The following SLC35B3 variants were observed in gnomAD, a reference collection of about 807,000 sequenced individuals.
The protein encoded by SLC35B3 is adenosine 3'-phospho 5'-phosphosulfate transporter 2.
A neutral mutation model predicts 44.1 loss-of-function variants in SLC35B3; 35 were observed. The ratio of observed to expected loss-of-function variants is 0.79; its 90% CI spans 0.61 to 1.05. The LOEUF is 1.05. Among genes scored for constraint, SLC35B3 ranks in the 50% least tolerant of loss-of-function variants. The pLI, the probability that SLC35B3 is intolerant of heterozygous loss-of-function variation, is 0.00. For synonymous variants in SLC35B3, 146 were observed against 167.3 expected, an observed-to-expected ratio of 0.87 and a Z score of 0.98; for missense variants, 414 against 476.4, an observed-to-expected ratio of 0.87 and a Z score of 1.22.
chr6:8,417,800 A>AATACT (rs1554117524), intron 7 of SLC35B3, among the ~76,000 whole-genome samples: 3 of 151,680 alleles, frequency 2.0e-5, no homozygotes, highest in Admixed American at 6.6e-5. Flanking sequence ...TCTAAAAAAA[A>AATACT]TAAATGAAAC....
intron 4 of SLC35B3, among the ~76,000 whole-genome samples, chr6:8,423,438 T>A (rs940861236): frequency 6.6e-6 from 1 of 152,222 alleles, no homozygotes; most frequent in African/African-American, 2.4e-5. Context: ...TCAAGTCTTT[T>A]AACTTTGGCT....
chr6:8,430,014 T>C lies in SLC35B3; in HGVS notation c.147A>G (p.Pro49=), dbSNP rs1445043425. ...GTGGTGACATTGTTTGGGTTTTGGATGGCACAGTGATAGAAATATATTTCC... is the reference window on the plus strand; with the variant it reads ...GTGGTGACATTGTTTGGGTTTTGGACGGCACAGTGATAGAAATATATTTCC... Residue 49 remains proline (P), a synonymous_variant, in exon 3 of 11, where the codon CCA becomes CCG. Coordinates refer to ENST00000644923, the MANE Select transcript of SLC35B3 (RefSeq NM_001370476.2). 1.2e-6 allele frequency: 2 copies of C among 1,614,084 alleles called. No individual in the cohort carries two copies.
In SLC35B3 at chr6:8,429,997, ATT is replaced by A; in HGVS notation, c.162_163del (p.Met55ValfsTer8). 1 of 1,613,974 alleles carries A rather than the reference ATT, an allele frequency of 6.2e-7. No homozygotes were observed. The highest frequency in any genetic ancestry group is 1.7e-5 in the Admixed American group (1 of 59,982). ...GTCAACTGACTTGATGTGTGGTGACATTGTTTGGGTTTTGGATGGCACAGTGA... is the reference window on the plus strand; with the variant it reads ...GTCAACTGACTTGATGTGTGGTGACAGTTTGGGTTTTGGATGGCACAGTGA... On this transcript the variant is annotated frameshift_variant, in exon 3 of 11. Transcript: ENST00000644923. LOFTEE classifies it high-confidence loss of function.
intron 4 of SLC35B3, among the ~76,000 whole-genome samples, chr6:8,425,752 T>C (rs1257905918): frequency 1.3e-5 from 2 of 152,196 alleles, no homozygotes. Context: ...TATGTCAGTA[T>C]TACAGTCGTT....
In SLC35B3 at chr6:8,422,491, G is replaced by A. The variant is rs138267484; in HGVS notation, c.553C>T (p.Leu185=). ...ATACCTTGAATAAAAACTCCTCCTA[G>A]CATAACAGGAATCAATTTGCAGCAC... The change falls in exon 5 of 11, where the codon CTA becomes TTA. Residue 185 remains leucine, a synonymous_variant. Coordinates refer to ENST00000644923, the MANE Select transcript of SLC35B3 (RefSeq NM_001370476.2). 1.4e-3 allele frequency: 2,291 copies of A among 1,613,020 alleles called. 1 individual carries two copies. Among genetic ancestry groups the A allele is most frequent in the Non-Finnish European group, 1.7e-3 (2,049 of 1,179,308 alleles).
chr6:8,419,503 T>TA lies in SLC35B3; in HGVS notation c.780+76dup. The TA allele has an allele frequency of 1.4e-6, 1 of 706,782 alleles. No homozygotes were observed. The highest frequency in any genetic ancestry group is 2.3e-6 in the Non-Finnish European group (1 of 435,356). 43.8% of individuals were successfully genotyped at this position (706,782 alleles called of 1,614,324 possible). On this transcript the variant is annotated intron_variant, in intron 7 of 10. Coordinates refer to ENST00000644923, the MANE Select transcript of SLC35B3 (RefSeq NM_001370476.2). This position sits in a 1 kb window ranked among gnomAD's most constrained non-coding sequence, Gnocchi z 4.3. ...TTTAAAAATGCAATGCTAGTTATAA[T>TA]AATTATTTCATCAAATTACGTGTAT...
At chr6:8,426,637 C>T (rs976908994) in intron 4 of SLC35B3, among the ~76,000 whole-genome samples, 43 of 152,270 alleles carry the variant, frequency 2.8e-4, no homozygotes, top group African/African-American at 9.4e-4. Context: ...AATTAAACTT[C>T]TTTTTCTTCC....
chr6:8,416,973 T>A lies in SLC35B3; in HGVS notation c.896A>T (p.Tyr299Phe), dbSNP rs370759766. ...TCCAGTGAGGGAAAAAAGGAACGCA[T>A]AACCATAGGTCCGAACTGGATTCTG... Residue 299 changes from tyrosine (Y) to phenylalanine (F), a missense_variant, in exon 9 of 11, where the codon TAT becomes TTT. Coordinates refer to ENST00000644923, the MANE Select transcript of SLC35B3 (RefSeq NM_001370476.2). The A allele has an allele frequency of 1.3e-5, 21 of 1,602,180 alleles. No homozygotes were observed. The highest frequency in any genetic ancestry group is 2.7e-5 in the African/African-American group (2 of 74,302).
chr6:8,434,278 A>G lies in SLC35B3; in HGVS notation c.3+107T>C. The G allele has an allele frequency of 9.3e-7, 1 of 1,081,016 alleles. No homozygotes were observed. The highest frequency in any genetic ancestry group is 1.4e-5 in the South Asian group (1 of 72,000). 67.0% of individuals were successfully genotyped at this position (1,081,016 alleles called of 1,614,324 possible). On this transcript the variant is annotated intron_variant, in intron 2 of 10. Transcript: ENST00000644923. The surrounding 1 kb of genome is among the most constrained non-coding windows in gnomAD (Gnocchi z 6.3). The stretch of plus-strand genomic sequence containing the variant: ...CTGAAGGACAAAAGTCCCACACCAA[A>G]AAAAGGTAGAATATGAAAAAAAAGT...
intron 3 of SLC35B3, among the ~76,000 whole-genome samples, chr6:8,429,460 A>G (rs1015505208): frequency 3.9e-5 from 6 of 152,192 alleles, no homozygotes; most frequent in Non-Finnish European, 8.8e-5. Context: ...ACCTTTAGAA[A>G]ACCATAAAAT....
In SLC35B3 at chr6:8,413,718, GA is replaced by G. The variant is rs1305110196; in HGVS notation, c.1056-20del. 1.8e-5 allele frequency: 26 copies of G among 1,416,380 alleles called. No individual in the cohort carries two copies. The highest frequency in any genetic ancestry group is 9.8e-5 in the East Asian group (4 of 40,748). The allele number at this position is 1,416,380 out of a possible 1,614,324, so 87.7% of individuals were successfully genotyped here. ...TACATACCTAAGAGAAAGAAATAAG[GA>G]AAAAAAATTAAAATTAGCAAAATAA... On this transcript the variant is annotated intron_variant, in intron 10 of 10. Transcript: ENST00000644923.
chr6:8,419,660 GGGAAA>G lies in SLC35B3; in HGVS notation c.695_699del (p.Ile232ThrfsTer21), dbSNP rs1762718881. 2.6e-6 allele frequency: 4 copies of G among 1,533,990 alleles called. No homozygotes were observed. The highest frequency in any genetic ancestry group is 3.5e-6 in the Non-Finnish European group (4 of 1,132,074). On this transcript the variant is annotated frameshift_variant, in exon 7 of 11. Coordinates refer to ENST00000644923, the MANE Select transcript of SLC35B3 (RefSeq NM_001370476.2). LOFTEE classifies it high-confidence loss of function. The surrounding 1 kb of genome is among the most constrained non-coding windows in gnomAD (Gnocchi z 4.3). ...ATGACGGCATCTGCACATAGTGCCA[GGGAAA>G]TAAGCACCACACCTTCAAGAAGGTA...
chr6:8,413,986 C>T (rs1294537998), intron 10 of SLC35B3, among the ~76,000 whole-genome samples: 1 of 152,008 alleles, frequency 6.6e-6, no homozygotes, highest in Admixed American at 6.6e-5. Flanking sequence ...AAAGTACAGT[C>T]CCCTACCAAA....
chr6:8,428,292 A>G (rs186115752), intron 3 of SLC35B3, among the ~76,000 whole-genome samples: 2 of 152,174 alleles, frequency 1.3e-5, no homozygotes, highest in Non-Finnish European at 2.9e-5. Flanking sequence ...ATTTGCCTAA[A>G]CATGTTATAT....
Position 8,434,138 on chromosome 6 carries a change from AAGGT to A in SLC35B3, c.3+243_3+246del, listed in dbSNP as rs1371739423. Among the ~76,000 whole-genome samples, 10 of 151,968 alleles carry A rather than the reference AAGGT, an allele frequency of 6.6e-5. No individual in the cohort carries two copies. Among genetic ancestry groups the A allele is most frequent in the Non-Finnish European group, 1.5e-4 (10 of 67,994 alleles). On this transcript the variant is annotated intron_variant, in intron 2 of 10. Coordinates refer to ENST00000644923, the MANE Select transcript of SLC35B3 (RefSeq NM_001370476.2). This position sits in a 1 kb window ranked among gnomAD's most constrained non-coding sequence, Gnocchi z 6.3. ...ACTTCAACTGCTAAAATGGAATAAA[AAGGT>A]AGCATTTCCGGCATACAATGTATAT...
At position 8,419,495 on chromosome 6, in the gene SLC35B3, AGTT is replaced by A; in HGVS notation, c.780+82_780+84del. 1.5e-6 allele frequency: 1 copy of A among 645,230 alleles called. No individual in the cohort carries two copies. The allele number at this position is 645,230 out of a possible 1,614,324, so 40.0% of individuals were successfully genotyped here. A position where few individuals can be genotyped will look rare whatever the true frequency, so the allele number is the denominator to read the frequency against. On this transcript the variant is annotated intron_variant, in intron 7 of 10. Transcript: ENST00000644923. This position sits in a 1 kb window ranked among gnomAD's most constrained non-coding sequence, Gnocchi z 4.3. ...AAAATGAGTTTAAAAATGCAATGCT[AGTT>A]ATAATAATTATTTCATCAAATTACG...
chr6:8,417,079 C>T (rs1762477769), intron 8 of SLC35B3, 84 bp from the exon 8 acceptor site: 1 of 696,942 alleles, frequency 1.4e-6, no homozygotes, highest in African/African-American at 1.8e-5. Context: ...AGATGTTAAT[C>T]AACTTCTTGA....
At position 8,419,492 on chromosome 6, in the gene SLC35B3, G is replaced by A. The variant is rs1762698513; in HGVS notation, c.780+88C>T. 4.7e-6 allele frequency: 3 copies of A among 639,098 alleles called. No individual in the cohort carries two copies. The South Asian group carries it at 1.0e-4, about 21-fold the overall frequency. 39.6% of individuals were successfully genotyped at this position (639,098 alleles called of 1,614,324 possible). A position where few individuals can be genotyped will look rare whatever the true frequency, so the allele number is the denominator to read the frequency against. On this transcript the variant is annotated intron_variant, in intron 7 of 10. Coordinates refer to ENST00000644923, the MANE Select transcript of SLC35B3 (RefSeq NM_001370476.2). This position sits in a 1 kb window ranked among gnomAD's most constrained non-coding sequence, Gnocchi z 4.3. ...GTAAAAATGAGTTTAAAAATGCAATGCTAGTTATAATAATTATTTCATCAA... is the reference window on the plus strand; with the variant it reads ...GTAAAAATGAGTTTAAAAATGCAATACTAGTTATAATAATTATTTCATCAA...
chr6:8,425,794 T>C (rs1042643505), intron 4 of SLC35B3, among the ~76,000 whole-genome samples: 3 of 152,158 alleles, frequency 2.0e-5, no homozygotes, highest in Admixed American at 6.5e-5. Flanking sequence ...AGATACACGA[T>C]ATATACACAC....
Sources: gnomAD v4.1 joint callset for allele counts (sites outside exome capture counted in the v4.1 genomes callset) on GRCh38, gnomAD v4.1.1 for gene constraint, Gnocchi (gnomAD v3.1) non-coding constraint, MANE v1.5 for transcripts, NCBI Gene and HGNC (gene_info 2026-07-23, HGNC 2026-07-21) for gene names.